Variants in PCDHGA8 observed in about 807,000 individuals in gnomAD.
PCDHGA8 encodes the protein protocadherin gamma subfamily A, 8, also known as protocadherin gamma-A8.
A neutral mutation model predicts 59.2 loss-of-function variants in PCDHGA8; 45 were observed. The observed-to-expected ratio is 0.76, with a 90% CI of 0.60 to 0.98. The LOEUF (loss-of-function observed/expected upper bound fraction) is 0.98. Ranked by LOEUF, PCDHGA8 falls within the 50% of genes least tolerant of loss-of-function variation. The probability of loss-of-function intolerance (pLI) is 0.00; values close to 1 mark genes in which losing one functional copy is unlikely to be tolerated. For synonymous variants in PCDHGA8, 531 were observed against 519.0 expected (o/e 1.02, Z -0.32); for missense variants, 1,257 against 1,196.2 (o/e 1.05, Z -0.75).
At chr5:141,404,684 G>GT in intron 1 of PCDHGA8, 1 of 1,614,104 alleles carries the variant, frequency 6.2e-7, no homozygotes, top group Non-Finnish European at 8.5e-7. Flanking sequence ...TGTGGAGCTG[G>GT]CACCCCGCTC....
chr5:141,426,492 T>C (rs1439487321), intron 1 of PCDHGA8: 2 of 336,712 alleles, frequency 5.9e-6, no homozygotes, highest in African/African-American at 4.3e-5. Context: ...TTAGAGTTAG[T>C]GCAGAGAAAC....
chr5:141,433,935 T>C (rs2097665519), intron 1 of PCDHGA8, among the ~76,000 whole-genome samples: 1 of 152,150 alleles, frequency 6.6e-6, no homozygotes, highest in African/African-American at 2.4e-5. Context: ...GATTTTATAA[T>C]TCCATTGTTT....
intron 1 of PCDHGA8, chr5:141,413,141 G>A: frequency 1.3e-6 from 2 of 1,564,906 alleles, no homozygotes; most frequent in Non-Finnish European, 1.7e-6. Context: ...AACGTGTCCA[G>A]TGAGGACTTT....
At chr5:141,445,844 A>T (rs979756627) in intron 1 of PCDHGA8, among the ~76,000 whole-genome samples, 3 of 152,216 alleles carry the variant, frequency 2.0e-5, no homozygotes, top group Admixed American at 1.3e-4. Context: ...TGTAAATCAC[A>T]CTTAAAATTC....
intron 1 of PCDHGA8, among the ~76,000 whole-genome samples, chr5:141,481,693 C>T (rs755007426): frequency 1.8e-4 from 27 of 152,020 alleles, no homozygotes; most frequent in Admixed American, 7.9e-4. Context: ...GTGGCTCACG[C>T]CTGTAATCCC....
chr5:141,479,767 C>G (rs2099505975), intron 1 of PCDHGA8: 1 of 152,174 alleles, frequency 6.6e-6, no homozygotes, highest in African/African-American at 2.4e-5. Flanking sequence ...AAATTCATAT[C>G]CTTAGACAGG....
At chr5:141,453,287 A>ATTT (rs2098760771) in intron 1 of PCDHGA8, among the ~76,000 whole-genome samples, 3 of 151,368 alleles carry the variant, frequency 2.0e-5, no homozygotes, top group African/African-American at 7.3e-5. Flanking sequence ...CTAATTTTTT[A>ATTT]ATTATTTATT....
rs577239742 is a variant in PCDHGA8 at position 141,501,564 on chromosome 5, T to C, written c.2484-3829T>C. ...CATAAGATCATAGGCCCTGGAATCA[T>C]ATTAGGCTGGCTTTCAGGTTGCAAC... On this transcript the variant is annotated intron_variant, in intron 2 of 3. Coordinates refer to ENST00000398604, the MANE Select transcript of PCDHGA8 (RefSeq NM_032088.2). 5.9e-5 allele frequency among the ~76,000 whole-genome samples: 9 copies of C among 152,194 alleles called. No individual in the cohort carries two copies. The South Asian group carries it at 1.7e-3, about 28-fold the overall frequency.
chr5:141,450,733 C>T (rs886761152), intron 1 of PCDHGA8, among the ~76,000 whole-genome samples: 24 of 152,198 alleles, frequency 1.6e-4, no homozygotes, highest in African/African-American at 5.3e-4. Context: ...GTGATCCGCC[C>T]GCCTTGGCCT....
At position 141,487,421 on chromosome 5, in the gene PCDHGA8, C is replaced by A. The variant is rs1365581881; in HGVS notation, c.2425-7386C>A. On this transcript the variant is annotated intron_variant, in intron 1 of 3. Coordinates refer to ENST00000398604, the MANE Select transcript of PCDHGA8 (RefSeq NM_032088.2). This position sits in a 1 kb window ranked among gnomAD's most constrained non-coding sequence, Gnocchi z 5.0. ...GGGGCTTCCCCCTTCCAATGGGATC[C>A]TCCGAATCCAGCTAGGGTCAGATGA... 2 of 1,614,026 alleles carry A rather than the reference C, an allele frequency of 1.2e-6. No individual in the cohort carries two copies. Among genetic ancestry groups the A allele is most frequent in the South Asian group, 1.1e-5 (1 of 91,086 alleles).
chr5:141,490,544 A>G lies in PCDHGA8; in HGVS notation c.2425-4263A>G. 6.2e-7 allele frequency: 1 copy of G among 1,614,120 alleles called. No individual in the cohort carries two copies. Among genetic ancestry groups the G allele is most frequent in the Non-Finnish European group, 8.5e-7 (1 of 1,180,028 alleles). ...AGCGATGCTGGTTCACCTTCCCTAC[A>G]CAAACATCTCACCATCAGGCTCAAC... On this transcript the variant is annotated intron_variant, in intron 1 of 3. Transcript: ENST00000398604. This position sits in a 1 kb window ranked among gnomAD's most constrained non-coding sequence, Gnocchi z 5.4.
Position 141,393,331 on chromosome 5 carries a change from GC to G in PCDHGA8, c.522del (p.Asn175IlefsTer16), listed in dbSNP as rs3214276. 144,732 of 1,613,856 alleles carry G rather than the reference GC, an allele frequency of 0.09. 7,527 individuals carry two copies. Among genetic ancestry groups the G allele is most frequent in the African/African-American group, 0.18 (13,372 of 74,968 alleles). Reference sequence around the variant, plus strand: ...AACTCCCTCCAGAGCTACCAGCTCAGCCCCAATCACCACTTCTCCCTGGACG... The same window carrying G: ...AACTCCCTCCAGAGCTACCAGCTCAGCCCAATCACCACTTCTCCCTGGACG... ...GVNSLQSYQLSPNHHFSLDVQ... is the reference protein window; with the variant it reads ...GVNSLQSYQLXPNHHFSLDVQ... On this transcript the variant is annotated frameshift_variant, in exon 1 of 4. Transcript: ENST00000398604. LOFTEE classifies it high-confidence loss of function.
chr5:141,453,848 C>T (rs1045684685), intron 1 of PCDHGA8, among the ~76,000 whole-genome samples: 38 of 152,290 alleles, frequency 2.5e-4, no homozygotes, highest in Non-Finnish European at 4.4e-4. Context: ...GTCCACAGAG[C>T]ACTTTGAAAA....
chr5:141,421,443 G>A (rs1561793987), intron 1 of PCDHGA8: 4 of 1,614,106 alleles, frequency 2.5e-6, no homozygotes, highest in Non-Finnish European at 2.5e-6. Flanking sequence ...CCAGAGGGAA[G>A]ACACAGCTTT....
At position 141,490,006 on chromosome 5, in the gene PCDHGA8, C is replaced by T; in HGVS notation, c.2425-4801C>T. The stretch of plus-strand genomic sequence containing the variant: ...ACGTGTGGGAATCCCAGAGAATGCA[C>T]CCATTGGTACTCTGCTGCTCCGCCT... On this transcript the variant is annotated intron_variant, in intron 1 of 3. Coordinates refer to ENST00000398604, the MANE Select transcript of PCDHGA8 (RefSeq NM_032088.2). This position sits in a 1 kb window ranked among gnomAD's most constrained non-coding sequence, Gnocchi z 5.4. 2 of 1,614,222 alleles carry T rather than the reference C, an allele frequency of 1.2e-6. No homozygotes were observed. The highest frequency in any genetic ancestry group is 1.7e-6 in the Non-Finnish European group (2 of 1,180,010).
intron 1 of PCDHGA8, chr5:141,417,644 A>G (rs2096142506): frequency 3.9e-6 from 3 of 779,086 alleles, no homozygotes; most frequent in Non-Finnish European, 5.8e-6. Context: ...GGGATCCCTC[A>G]GCCTCTAGCC....
At chr5:141,414,945 C>G in intron 1 of PCDHGA8, 2 of 1,614,098 alleles carry the variant, frequency 1.2e-6, no homozygotes, top group Non-Finnish European at 8.5e-7. Flanking sequence ...AGCCCGGCTA[C>G]CTGGTGACCA....
chr5:141,426,806 T>C (rs1390972821), intron 1 of PCDHGA8: 1 of 456,600 alleles, frequency 2.2e-6, no homozygotes, highest in Non-Finnish European at 4.4e-6. Context: ...TCAGTTCTAA[T>C]GAACATTTCT....
Position 141,489,089 on chromosome 5 carries a change from A to G in PCDHGA8, c.2425-5718A>G. 5.6e-5 allele frequency: 16 copies of G among 284,404 alleles called. No individual in the cohort carries two copies. The highest frequency in any genetic ancestry group is 9.0e-5 in the Non-Finnish European group (14 of 156,416). The allele number at this position is 284,404 out of a possible 1,614,324, so 17.6% of individuals were successfully genotyped here. On this transcript the variant is annotated intron_variant, in intron 1 of 3. Coordinates refer to ENST00000398604, the MANE Select transcript of PCDHGA8 (RefSeq NM_032088.2). The surrounding 1 kb of genome is among the most constrained non-coding windows in gnomAD (Gnocchi z 4.5). ...CCCTGCCCACCCCCGCCACTCGGTG[A>G]CTAAGAACTGCTGCAAGCAGGCAAA...
Sources: allele counts gnomAD v4.1 joint callset (sites outside exome capture counted in the v4.1 genomes callset), GRCh38; gene constraint gnomAD v4.1.1; non-coding constraint Gnocchi (gnomAD v3.1); transcripts MANE v1.5; gene names NCBI Gene and HGNC (gene_info 2026-07-23, HGNC 2026-07-21).